CCDC3: variants seen among roughly 807,000 people sequenced by gnomAD.
CCDC3 encodes coiled-coil domain-containing protein 3.
A neutral mutation model predicts 21.4 loss-of-function variants in CCDC3; 24 were observed. That is an observed-to-expected ratio of 1.12 (90% CI 0.81 to 1.58). CCDC3 has a LOEUF of 1.58. Ranked by LOEUF, CCDC3 falls within the 40% of genes most tolerant of loss-of-function variation. The probability of loss-of-function intolerance (pLI) is 0.00; values close to 1 mark genes in which losing one functional copy is unlikely to be tolerated. For missense variants in CCDC3, 425 were observed against 360.9 expected (o/e 1.18, Z -1.44); for synonymous variants, 186 against 166.0 (o/e 1.12, Z -0.93).
chr10:12,971,890 C>T (rs1290221953), intron 2 of CCDC3, among the ~76,000 whole-genome samples: 4 of 151,952 alleles, frequency 2.6e-5, no homozygotes, highest in South Asian at 2.1e-4. Context: ...GGTTTCACTA[C>T]GTTGGCCAGG....
intron 4 of CCDC3, among the ~76,000 whole-genome samples, chr10:13,066,251 G>A (rs1465099192): frequency 2.6e-5 from 4 of 151,916 alleles, no homozygotes; most frequent in Admixed American, 6.6e-5. Flanking sequence ...TTGCCCTCCC[G>A]GGCTCAGGTG....
intron 2 of CCDC3, among the ~76,000 whole-genome samples, chr10:12,993,179 G>C (rs1402723790): frequency 1.3e-5 from 2 of 152,162 alleles, no homozygotes; most frequent in Admixed American, 6.5e-5. Flanking sequence ...AGAATAATCA[G>C]CTTCCAGTAA....
chr10:12,985,908 C>T (rs1361019646), intron 2 of CCDC3, among the ~76,000 whole-genome samples: 1 of 152,170 alleles, frequency 6.6e-6, no homozygotes, highest in Admixed American at 6.5e-5. Flanking sequence ...CGGAGTTTTG[C>T]TCTGTCGCCC....
At chr10:13,026,304 T>C (rs1176149598) in intron 5 of CCDC3, among the ~76,000 whole-genome samples, 4 of 152,236 alleles carry the variant, frequency 2.6e-5, no homozygotes. Flanking sequence ...TGAAATTATA[T>C]ACAATAGTAC....
intron 3 of CCDC3, among the ~76,000 whole-genome samples, chr10:13,078,699 T>C (rs1836996147): frequency 6.6e-6 from 1 of 152,206 alleles, no homozygotes; most frequent in African/African-American, 2.4e-5. Context: ...GATGAGTTCA[T>C]GTCCTTTGTA....
chr10:12,939,936 G>A (rs1441705119), intron 2 of CCDC3, among the ~76,000 whole-genome samples: 1 of 152,180 alleles, frequency 6.6e-6, no homozygotes, highest in African/African-American at 2.4e-5. Context: ...AAGATTGTTA[G>A]CTATGGGAAT....
intron 3 of CCDC3, among the ~76,000 whole-genome samples, chr10:13,078,061 A>G (rs1011457093): frequency 6.6e-6 from 1 of 152,266 alleles, no homozygotes; most frequent in African/African-American, 2.4e-5. Flanking sequence ...TTACCATCAG[A>G]GTGAACAGGC....
At chr10:12,914,689 C>G (rs970623526) in intron 2 of CCDC3, among the ~76,000 whole-genome samples, 1 of 152,040 alleles carries the variant, frequency 6.6e-6, no homozygotes, top group Admixed American at 6.6e-5. Context: ...AGTGATCCAC[C>G]CAGTTAGCCC....
intron 5 of CCDC3, among the ~76,000 whole-genome samples, chr10:13,023,705 C>T (rs923793173): frequency 2.0e-5 from 3 of 152,154 alleles, no homozygotes; most frequent in African/African-American, 7.2e-5. Flanking sequence ...GTCCTTACTA[C>T]ATGAAAAATA....
chr10:12,920,890 C>A (rs964302664), intron 2 of CCDC3, among the ~76,000 whole-genome samples: 2 of 152,196 alleles, frequency 1.3e-5, no homozygotes, highest in African/African-American at 4.8e-5. Context: ...AGACTGACTA[C>A]CTCTAGGAAA....
rs71477255 is a variant in CCDC3, at chr10:13,041,504, A to ATT, written c.-2+8168_-2+8169dup. The stretch of plus-strand genomic sequence containing the variant: ...GTTCACTCCAAGTGTCTGGCAGATA[A>ATT]TTTTTTTTTTTTTTTTTTTTTTTTT... On this transcript the variant is annotated intron_variant, in intron 5 of 6. Transcript: ENST00000378839. Among the ~76,000 whole-genome samples, 271 of 62,104 alleles carry ATT rather than the reference A, an allele frequency of 4.4e-3. 57 individuals are homozygous for ATT. Among genetic ancestry groups the ATT allele is most frequent in the African/African-American group, 0.011 (130 of 12,288 alleles). 40.7% of individuals were successfully genotyped at this position (62,104 alleles called of 152,430 possible).
intron 5 of CCDC3, among the ~76,000 whole-genome samples, chr10:13,028,746 A>C (rs4518990): frequency 0.8 from 121,724 of 151,882 alleles, 49,782 homozygotes; most frequent in Non-Finnish European, 0.88. Flanking sequence ...TAGAAATATG[A>C]ATATTTAGGA....
At chr10:12,939,303 C>A (rs1327977563) in intron 2 of CCDC3, among the ~76,000 whole-genome samples, 1 of 152,158 alleles carries the variant, frequency 6.6e-6, no homozygotes, top group Non-Finnish European at 1.5e-5. Context: ...TTTTAAGCTG[C>A]ACGAGAAGAA....
chr10:12,922,404 T>A (rs79922541), intron 2 of CCDC3, among the ~76,000 whole-genome samples: 8,009 of 152,124 alleles, frequency 0.053, 235 homozygotes, highest in Non-Finnish European at 0.071. Context: ...TTGGAACCAC[T>A]TGCATGAGTT....
intron 2 of CCDC3, among the ~76,000 whole-genome samples, chr10:12,952,871 G>A (rs998627211): frequency 6.6e-6 from 1 of 152,168 alleles, no homozygotes; most frequent in South Asian, 2.1e-4. Flanking sequence ...CACATCCATG[G>A]GTTTATTTCT....
At chr10:13,079,035 C>T (rs946412710) in intron 3 of CCDC3, among the ~76,000 whole-genome samples, 1 of 152,072 alleles carries the variant, frequency 6.6e-6, no homozygotes, top group Admixed American at 6.6e-5. Flanking sequence ...AATTGCTTCC[C>T]TTCTTTATTC....
intron 5 of CCDC3, among the ~76,000 whole-genome samples, chr10:13,036,641 T>C (rs1227698899): frequency 6.6e-6 from 1 of 152,056 alleles, no homozygotes; most frequent in Non-Finnish European, 1.5e-5. Flanking sequence ...CACGCCACCA[T>C]GCCCAGCTAA....
chr10:12,962,463 T>C (rs1325469439), intron 2 of CCDC3, among the ~76,000 whole-genome samples: 4 of 151,878 alleles, frequency 2.6e-5, no homozygotes, highest in African/African-American at 9.7e-5. Flanking sequence ...ATTAGCCAGG[T>C]GTGGTGGTAG....
At chr10:12,954,386 A>G (rs184882248) in intron 2 of CCDC3, among the ~76,000 whole-genome samples, 133 of 152,322 alleles carry the variant, frequency 8.7e-4, no homozygotes, top group Non-Finnish European at 7.2e-4. Context: ...CATGATGTAG[A>G]TTATCAAATT....
Sources: gnomAD v4.1 joint callset for allele counts (sites outside exome capture counted in the v4.1 genomes callset) on GRCh38, gnomAD v4.1.1 for gene constraint, MANE v1.5 for transcripts, NCBI Gene and HGNC (gene_info 2026-07-23, HGNC 2026-07-21) for gene names.